The following CLMP variants were observed in gnomAD, a reference collection of about 807,000 sequenced individuals.
CLMP encodes the protein CXADR-like membrane protein.
A neutral mutation model predicts 45.2 loss-of-function variants in CLMP; 27 were observed. The ratio of observed to expected loss-of-function variants is 0.60; its 90% CI spans 0.44 to 0.82. The LOEUF (loss-of-function observed/expected upper bound fraction) is 0.82. CLMP is among the 40% of genes least tolerant of loss of function. The pLI is 0.00. For missense variants in CLMP, 403 were observed against 448.4 expected, an observed-to-expected ratio of 0.90 and a Z score of 0.91; for synonymous variants, 167 against 171.4, an observed-to-expected ratio of 0.97 and a Z score of 0.20.
intron 5 of CLMP, among the ~76,000 whole-genome samples, chr11:123,078,413 G>C (rs1220059432): frequency 1.3e-5 from 2 of 152,102 alleles, no homozygotes; most frequent in African/African-American, 4.8e-5. Flanking sequence ...CATAAAGTTA[G>C]AAACCTGGAT....
rs528021883 is a variant in CLMP, at chr11:123,070,580, C to A, written c.*2894G>T. Reference sequence around the variant, plus strand: ...TGCTTTCAAAAGCATAGGCAGGAAACCTTAGGTTCAAAGGTAGTAAATAAT... The same window carrying A: ...TGCTTTCAAAAGCATAGGCAGGAAAACTTAGGTTCAAAGGTAGTAAATAAT... On this transcript the variant is annotated 3_prime_UTR_variant, in exon 7 of 7. Transcript: ENST00000448775. 1 of 152,248 alleles carries A rather than the reference C, an allele frequency of 6.6e-6. No individual in the cohort carries two copies. The highest frequency in any genetic ancestry group is 2.4e-5 in the African/African-American group (1 of 41,538). 9.4% of individuals were successfully genotyped at this position (152,248 alleles called of 1,614,324 possible).
Position 123,072,215 on chromosome 11 carries a change from T to C in CLMP, c.*1259A>G, listed in dbSNP as rs900012088. 2.6e-5 allele frequency: 4 copies of C among 152,198 alleles called. No homozygotes were observed. Among genetic ancestry groups the C allele is most frequent in the African/African-American group, 9.7e-5 (4 of 41,436 alleles). The allele number at this position is 152,198 out of a possible 1,614,324, so 9.4% of individuals were successfully genotyped here. Reference sequence around the variant, plus strand: ...CTTTTTGATAGTTTAAGGCTTAGAATCATCAAAAGTTCCAGGTTCATATCC... The same window carrying C: ...CTTTTTGATAGTTTAAGGCTTAGAACCATCAAAAGTTCCAGGTTCATATCC... On this transcript the variant is annotated 3_prime_UTR_variant, in exon 7 of 7. Transcript: ENST00000448775.
chr11:123,148,169 G>A (rs1324752633), intron 1 of CLMP, among the ~76,000 whole-genome samples: 1 of 152,182 alleles, frequency 6.6e-6, no homozygotes, highest in Non-Finnish European at 1.5e-5. Context: ...AGAATAGTAC[G>A]TGGCGTGTTT....
intron 1 of CLMP, among the ~76,000 whole-genome samples, chr11:123,117,936 A>G (rs1185067146): frequency 6.6e-6 from 1 of 152,224 alleles, no homozygotes; most frequent in Non-Finnish European, 1.5e-5. Flanking sequence ...TGTGTACAGC[A>G]CTAAAGAATG....
chr11:123,194,955 G>A lies in CLMP; in HGVS notation c.-15C>T. 6.2e-7 allele frequency: 1 copy of A among 1,611,710 alleles called. No homozygotes were observed. The highest frequency in any genetic ancestry group is 1.1e-5 in the South Asian group (1 of 90,962). ...AGGAGGGACATCCCGATCCCCGGAC[G>A]CGGGCGCTTCCCCGCTCAGCTGCTG... On this transcript the variant is annotated 5_prime_UTR_variant, in exon 1 of 7. Transcript: ENST00000448775.
intron 1 of CLMP, among the ~76,000 whole-genome samples, chr11:123,162,402 C>T (rs1303046499): frequency 1.3e-5 from 2 of 152,062 alleles, no homozygotes; most frequent in African/African-American, 4.8e-5. Flanking sequence ...TAAAACACAT[C>T]CAAAACAGGA....
At chr11:123,096,575 G>A (rs7122728) in intron 2 of CLMP, among the ~76,000 whole-genome samples, 5 of 152,048 alleles carry the variant, frequency 3.3e-5, no homozygotes, top group African/African-American at 7.2e-5. Flanking sequence ...AAGTGACCTC[G>A]CTCTACAGAG....
chr11:123,181,291 G>T (rs1189303478), intron 1 of CLMP, among the ~76,000 whole-genome samples: 1 of 152,112 alleles, frequency 6.6e-6, no homozygotes, highest in Non-Finnish European at 1.5e-5. Context: ...GAGTGAGACT[G>T]AACAATTTCA....
At chr11:123,161,352 CA>C (rs1189498021) in intron 1 of CLMP, among the ~76,000 whole-genome samples, 5 of 152,050 alleles carry the variant, frequency 3.3e-5, no homozygotes, top group Non-Finnish European at 5.9e-5. Context: ...ATGTGAGAAG[CA>C]CTGATTTTTT....
chr11:123,166,713 T>C (rs1861561882), intron 1 of CLMP, among the ~76,000 whole-genome samples: 1 of 152,204 alleles, frequency 6.6e-6, no homozygotes, highest in South Asian at 2.1e-4. Flanking sequence ...CAGGTTCTGT[T>C]GCACGGCAGG....
intron 1 of CLMP, among the ~76,000 whole-genome samples, chr11:123,148,283 C>T (rs1861267301): frequency 6.6e-6 from 1 of 152,176 alleles, no homozygotes. Context: ...AAAGCTTATG[C>T]TGTTTTCACT....
intron 2 of CLMP, 40 bp downstream of exon 2, chr11:123,097,755 G>A (rs754960652): frequency 1.4e-6 from 2 of 1,473,244 alleles, no homozygotes; most frequent in South Asian, 1.4e-5. Flanking sequence ...AATGCAGGAG[G>A]ACAAGAAGGA....
At chr11:123,119,682 C>G (rs1440604339) in intron 1 of CLMP, among the ~76,000 whole-genome samples, 1 of 147,966 alleles carries the variant, frequency 6.8e-6, no homozygotes, top group Admixed American at 7.0e-5. Flanking sequence ...TTATGTCTCA[C>G]ATTATTTTGT....
chr11:123,168,495 G>C (rs989403661), intron 1 of CLMP, among the ~76,000 whole-genome samples: 3 of 152,176 alleles, frequency 2.0e-5, no homozygotes, highest in Non-Finnish European at 2.9e-5. Context: ...GATATTCACG[G>C]GGAATGAGGA....
intron 1 of CLMP, among the ~76,000 whole-genome samples, chr11:123,161,779 C>T (rs536523248): frequency 2.3e-4 from 35 of 152,286 alleles, no homozygotes; most frequent in Non-Finnish European, 4.1e-4. Flanking sequence ...AGTTTTTGGA[C>T]GAGCATCACC....
At chr11:123,180,649 AAGGCAAAGTGATAGTGACT>A (rs1487055582) in intron 1 of CLMP, among the ~76,000 whole-genome samples, 1 of 152,010 alleles carries the variant, frequency 6.6e-6, no homozygotes, top group East Asian at 1.9e-4. Flanking sequence ...AAAATATAAC[AAGGCAAAGTGATAGTGACT>A]AGGCAGAGTC....
chr11:123,105,946 A>G (rs973769889), intron 1 of CLMP, among the ~76,000 whole-genome samples: 8 of 151,566 alleles, frequency 5.3e-5, no homozygotes, highest in African/African-American at 1.9e-4. Context: ...CCTCCCGAGT[A>G]GCTGGGATTA....
chr11:123,115,900 G>C (rs1860713481), intron 1 of CLMP, among the ~76,000 whole-genome samples: 1 of 152,104 alleles, frequency 6.6e-6, no homozygotes, highest in Non-Finnish European at 1.5e-5. Context: ...GGCTTAGCTG[G>C]GTGGCTCTGA....
chr11:123,195,103 C>A lies in CLMP; in HGVS notation c.-163G>T. On this transcript the variant is annotated 5_prime_UTR_variant, in exon 1 of 7. Transcript: ENST00000448775. Reference sequence around the variant, plus strand: ...CGGGAGCCGGCCCCGCGCCCCGTGCCCCTGGGGGCAGATGGGCTCCCGGCG... The same window carrying A: ...CGGGAGCCGGCCCCGCGCCCCGTGCACCTGGGGGCAGATGGGCTCCCGGCG... 2.2e-6 allele frequency: 1 copy of A among 447,586 alleles called. No homozygotes were observed. Among genetic ancestry groups the A allele is most frequent in the Non-Finnish European group, 3.5e-6 (1 of 286,984 alleles). 27.7% of individuals were successfully genotyped at this position (447,586 alleles called of 1,614,324 possible).
Sources: gnomAD v4.1 joint callset for allele counts (sites outside exome capture counted in the v4.1 genomes callset) on GRCh38, gnomAD v4.1.1 for gene constraint, MANE v1.5 for transcripts, NCBI Gene and HGNC (gene_info 2026-07-23, HGNC 2026-07-21) for gene names.